LMBR1: variants seen among roughly 807,000 people sequenced by gnomAD.
The protein encoded by LMBR1 is limb region 1 protein homolog.
Under a neutral mutation model 73.9 loss-of-function variants are expected in LMBR1, and 52 were observed. That is an observed-to-expected ratio of 0.70 (90% confidence interval 0.56 to 0.89). The LOEUF (loss-of-function observed/expected upper bound fraction) is 0.89. LMBR1 is among the 40% of genes least tolerant of loss of function. The pLI is 0.00. For synonymous variants in LMBR1, 215 were observed against 209.4 expected, an observed-to-expected ratio of 1.03 and a Z score of -0.23; for missense variants, 539 against 579.8, an observed-to-expected ratio of 0.93 and a Z score of 0.72.
chr7:156,705,741 G>A (rs79895834), intron 15 of LMBR1, among the ~76,000 whole-genome samples: 4,023 of 152,126 alleles, frequency 0.026, 181 homozygotes, highest in African/African-American at 0.092. Context: ...GATATTCACC[G>A]TCATGAAAAC....
At chr7:156,741,118 A>C (rs528502763) in intron 9 of LMBR1, among the ~76,000 whole-genome samples, 2 of 152,196 alleles carry the variant, frequency 1.3e-5, no homozygotes, top group Non-Finnish European at 2.9e-5. Flanking sequence ...TAGTATTTGC[A>C]TGCCTCATGA....
intron 5 of LMBR1, among the ~76,000 whole-genome samples, chr7:156,783,093 T>C (rs1040934353): frequency 6.6e-6 from 1 of 152,186 alleles, no homozygotes; most frequent in African/African-American, 2.4e-5. Flanking sequence ...TAAGAAAACT[T>C]TGCAGAATTT....
At chr7:156,767,061 G>C (rs1243383213) in intron 5 of LMBR1, among the ~76,000 whole-genome samples, 1 of 152,092 alleles carries the variant, frequency 6.6e-6, no homozygotes, top group East Asian at 1.9e-4. Context: ...AGTCGCTTTT[G>C]CCATGCTCAT....
At chr7:156,774,019 A>C (rs1051379384) in intron 5 of LMBR1, among the ~76,000 whole-genome samples, 5 of 32,622 alleles carry the variant, frequency 1.5e-4, no homozygotes, top group Non-Finnish European at 2.7e-4. Context: ...CACATTAATA[A>C]GCAAAAAAAA....
At chr7:156,699,495 G>A (rs1809135022) in intron 15 of LMBR1, among the ~76,000 whole-genome samples, 1 of 151,692 alleles carries the variant, frequency 6.6e-6, no homozygotes, top group Admixed American at 6.6e-5. Context: ...ATAGGCACGG[G>A]CAAGGAATTC....
At chr7:156,798,054 C>A (rs533573918) in intron 4 of LMBR1, among the ~76,000 whole-genome samples, 48 of 152,058 alleles carry the variant, frequency 3.2e-4, no homozygotes, top group African/African-American at 7.5e-4. Context: ...GTGCTAATTA[C>A]TGGAAGAGCA....
At chr7:156,716,366 A>C (rs1375375476) in intron 15 of LMBR1, among the ~76,000 whole-genome samples, 1 of 152,244 alleles carries the variant, frequency 6.6e-6, no homozygotes, top group South Asian at 2.1e-4. Flanking sequence ...TACGTGCAAC[A>C]ATTTCATTTT....
intron 1 of LMBR1, among the ~76,000 whole-genome samples, chr7:156,838,011 C>T (rs1837972594): frequency 6.6e-6 from 1 of 152,152 alleles, no homozygotes; most frequent in Non-Finnish European, 1.5e-5. Flanking sequence ...TGGTCTCGAA[C>T]TCCTGACCTC....
intron 15 of LMBR1, among the ~76,000 whole-genome samples, chr7:156,709,666 C>G (rs1248365865): frequency 6.6e-6 from 1 of 152,144 alleles, no homozygotes; most frequent in Non-Finnish European, 1.5e-5. Flanking sequence ...GGGGAGAACA[C>G]TGTATCAAGG....
At chr7:156,888,279 G>A (rs552328562) in intron 1 of LMBR1, among the ~76,000 whole-genome samples, 13 of 151,850 alleles carry the variant, frequency 8.6e-5, no homozygotes, top group African/African-American at 1.9e-4. Flanking sequence ...GCGTGGTGGC[G>A]GGTGCCTGTA....
chr7:156,707,753 C>A (rs1410176686), intron 15 of LMBR1, among the ~76,000 whole-genome samples: 2 of 151,968 alleles, frequency 1.3e-5, no homozygotes, highest in Non-Finnish European at 2.9e-5. Context: ...AGTACCACAG[C>A]CAAAAATCAT....
chr7:156,684,195 G>C, intron 16 of LMBR1, 32 bp from the exon 17 acceptor site: 3 of 1,521,356 alleles, frequency 2.0e-6, no homozygotes, highest in South Asian at 2.2e-5. Flanking sequence ...GGTGAGAAAT[G>C]ATATATTGCT....
At chr7:156,744,363 T>C (rs1195398483) in intron 9 of LMBR1, among the ~76,000 whole-genome samples, 1 of 151,972 alleles carries the variant, frequency 6.6e-6, no homozygotes, top group Non-Finnish European at 1.5e-5. Flanking sequence ...TTTCCATTGT[T>C]CTTGGAATTC....
chr7:156,865,868 C>T (rs751055847), intron 1 of LMBR1, among the ~76,000 whole-genome samples: 1 of 152,036 alleles, frequency 6.6e-6, no homozygotes, highest in Non-Finnish European at 1.5e-5. Flanking sequence ...GGTACTGGAA[C>T]AACTGGATAT....
chr7:156,852,509 G>A (rs961353256), intron 1 of LMBR1, among the ~76,000 whole-genome samples: 3 of 152,132 alleles, frequency 2.0e-5, no homozygotes, highest in Admixed American at 6.5e-5. Flanking sequence ...CTACACCCCT[G>A]ACACAATAAT....
chr7:156,675,115 AGACCCGAAGAGGCAGCGGC>A (rs1200143965), downstream of LMBR1, among the ~76,000 whole-genome samples: 9 of 152,376 alleles, frequency 5.9e-5, no homozygotes, highest in South Asian at 2.1e-4. Flanking sequence ...GAGATAGTGC[AGACCCGAAGAGGCAGCGGC>A]GACCCGAAGG....
intron 1 of LMBR1, among the ~76,000 whole-genome samples, chr7:156,850,460 A>T (rs1449952323): frequency 6.6e-6 from 1 of 151,996 alleles, no homozygotes; most frequent in Non-Finnish European, 1.5e-5. Flanking sequence ...CCCTGCTTAG[A>T]CTCTTGTAAC....
At chr7:156,818,013 GT>G (rs1563440764) in intron 4 of LMBR1, among the ~76,000 whole-genome samples, 1 of 152,142 alleles carries the variant, frequency 6.6e-6, no homozygotes, top group African/African-American at 2.4e-5. Flanking sequence ...TCAATATCCA[GT>G]AACTATCTTG....
rs1274686133 is a variant in LMBR1, at chr7:156,681,522, T to A, written c.*2556A>T. 4.5e-5 allele frequency: 7 copies of A among 154,498 alleles called. No homozygotes were observed. In the Admixed American group the frequency reaches 4.6e-4, roughly 10 times the overall value. The allele number at this position is 154,498 out of a possible 1,614,324, so 9.6% of individuals were successfully genotyped here. A position where few individuals can be genotyped will look rare whatever the true frequency, so the allele number is the denominator to read the frequency against. On this transcript the variant is annotated 3_prime_UTR_variant, in exon 17 of 17. Coordinates refer to ENST00000353442, the MANE Select transcript of LMBR1 (RefSeq NM_022458.4). ...ACAAATGTTATAATCTGAAAACTTA[T>A]AATTGTAAAATAATTTATTTAAGTA... is the stretch of plus-strand genomic sequence containing the variant.
Sources: gnomAD v4.1 joint callset for allele counts (sites outside exome capture counted in the v4.1 genomes callset) on GRCh38, gnomAD v4.1.1 for gene constraint, MANE v1.5 for transcripts, NCBI Gene and HGNC (gene_info 2026-07-23, HGNC 2026-07-21) for gene names.